Variants in AHI1 observed in about 807,000 individuals in gnomAD.
The protein encoded by AHI1 is Abelson helper integration site 1, also known as jouberin.
Under a neutral mutation model 149.3 loss-of-function variants are expected in AHI1, and 123 were observed. The observed-to-expected ratio is 0.82, with a 90% confidence interval of 0.71 to 0.96. AHI1 has a LOEUF of 0.96. AHI1 is among the 40% of genes least tolerant of loss of function. The pLI is 0.00. For synonymous variants in AHI1, 475 were observed against 459.8 expected (o/e 1.03, Z -0.42); for missense variants, 1,439 against 1,422.7 (o/e 1.01, Z -0.18).
intron 22 of AHI1, among the ~76,000 whole-genome samples, chr6:135,398,591 T>A (rs1198830919): frequency 6.6e-6 from 1 of 152,198 alleles, no homozygotes; most frequent in Non-Finnish European, 1.5e-5. Context: ...AATTTCAAAA[T>A]TAAGATCTAG....
At chr6:135,378,498 T>C (rs1456054812) in intron 23 of AHI1, among the ~76,000 whole-genome samples, 4 of 152,240 alleles carry the variant, frequency 2.6e-5, no homozygotes, top group Admixed American at 2.6e-4. Flanking sequence ...GTTTGTGACA[T>C]GCTCTATATA....
chr6:135,413,366 A>C (rs1041568462), intron 20 of AHI1, among the ~76,000 whole-genome samples: 2 of 152,136 alleles, frequency 1.3e-5, no homozygotes, highest in Non-Finnish European at 2.9e-5. Flanking sequence ...CCACAACAAA[A>C]ATTAAAAAGG....
chr6:135,331,851 T>TTA (rs1255430830), intron 24 of AHI1, among the ~76,000 whole-genome samples: 3 of 152,142 alleles, frequency 2.0e-5, no homozygotes, highest in Non-Finnish European at 4.4e-5. Context: ...TGCTTTCTCC[T>TTA]TGACTAACCT....
chr6:135,298,538 C>A (rs186294479), intron 27 of AHI1, among the ~76,000 whole-genome samples: 2 of 152,288 alleles, frequency 1.3e-5, no homozygotes, highest in East Asian at 3.9e-4. Flanking sequence ...GAAATGACTT[C>A]TTTGTACATG....
chr6:135,293,421 A>AG (rs1562444582), intron 27 of AHI1, among the ~76,000 whole-genome samples: 2 of 134,376 alleles, frequency 1.5e-5, no homozygotes, highest in African/African-American at 5.4e-5. Flanking sequence ...AAAAAAAAAA[A>AG]AAAGAAAAAA....
intron 26 of AHI1, chr6:135,304,978 T>A (rs1784373577): frequency 6.6e-6 from 1 of 152,222 alleles, no homozygotes; most frequent in Non-Finnish European, 1.5e-5. Context: ...TAGACAAATA[T>A]GGAGCCAACT....
chr6:135,479,655 T>C (rs1793285317), intron 5 of AHI1, among the ~76,000 whole-genome samples: 1 of 152,166 alleles, frequency 6.6e-6, no homozygotes. Context: ...GACTGTGGAA[T>C]TTCGGGTTCA....
chr6:135,485,755 T>C (rs77915815), intron 5 of AHI1, among the ~76,000 whole-genome samples: 1,823 of 152,320 alleles, frequency 0.012, 44 homozygotes, highest in African/African-American at 0.042. Context: ...ATAGGTTTTC[T>C]AATATTTGCA....
Position 135,487,202 on chromosome 6 carries a change from AT to A in AHI1, c.135+3420del, listed in dbSNP as rs895043742. Among the ~76,000 whole-genome samples the A allele has an allele frequency of 8.5e-5, 13 of 152,170 alleles. 1 individual carries two copies. The highest frequency in any genetic ancestry group is 1.9e-4 in the East Asian group (1 of 5,188). ...ACATTCTTTTAAAAAAACTCACTTA[AT>A]TTTTTTAACTCTGACAACTTAGAAA... On this transcript the variant is annotated intron_variant, in intron 5 of 28. Coordinates refer to ENST00000265602, the MANE Select transcript of AHI1 (RefSeq NM_001134831.2).
intron 5 of AHI1, among the ~76,000 whole-genome samples, chr6:135,475,760 T>C (rs1189215316): frequency 6.6e-6 from 1 of 152,224 alleles, no homozygotes; most frequent in Admixed American, 6.5e-5. Flanking sequence ...TCCTGGGCTG[T>C]GTCCCATGCA....
intron 24 of AHI1, among the ~76,000 whole-genome samples, chr6:135,341,380 A>G (rs116148543): frequency 0.019 from 2,960 of 152,128 alleles, 92 homozygotes; most frequent in African/African-American, 0.067. Context: ...TATAATAATA[A>G]AAGGGTCAAC....
At position 135,345,320 on chromosome 6, in the gene AHI1, T is replaced by C. The variant is rs942430278; in HGVS notation, c.3165+12812A>G. On this transcript the variant is annotated intron_variant, in intron 24 of 28. Coordinates refer to ENST00000265602, the MANE Select transcript of AHI1 (RefSeq NM_001134831.2). ...ATGATGCGGCAATTCTACTCCTAAA[T>C]ATATACACCCAAGAGAATGGAAAAC... is the stretch of plus-strand genomic sequence containing the variant. Among the ~76,000 whole-genome samples the C allele has an allele frequency of 2.6e-5, 4 of 152,120 alleles. No homozygotes were observed. In the East Asian group the frequency reaches 5.8e-4, roughly 22 times the overall value.
At chr6:135,384,334 A>G (rs1478007866) in intron 23 of AHI1, among the ~76,000 whole-genome samples, 1 of 152,232 alleles carries the variant, frequency 6.6e-6, no homozygotes, top group Non-Finnish European at 1.5e-5. Flanking sequence ...CTGTAAGACA[A>G]ACAAATTTTG....
chr6:135,371,398 A>G (rs992633730), intron 23 of AHI1, among the ~76,000 whole-genome samples: 1 of 152,218 alleles, frequency 6.6e-6, no homozygotes, highest in African/African-American at 2.4e-5. Flanking sequence ...TTCCTATGTA[A>G]AGAACCTGTT....
intron 5 of AHI1, among the ~76,000 whole-genome samples, chr6:135,484,389 A>C (rs1020679364): frequency 2.6e-5 from 4 of 152,138 alleles, no homozygotes; most frequent in Admixed American, 6.5e-5. Context: ...CTTTTTGATA[A>C]GCAAAAATAT....
intron 27 of AHI1, among the ~76,000 whole-genome samples, chr6:135,290,865 C>T (rs1307110887): frequency 1.3e-5 from 2 of 151,100 alleles, no homozygotes; most frequent in Admixed American, 6.6e-5. Flanking sequence ...ATATTAGATG[C>T]CTGGGAAAAA....
intron 23 of AHI1, among the ~76,000 whole-genome samples, chr6:135,377,273 TA>T (rs1386472763): frequency 1.3e-5 from 2 of 151,956 alleles, no homozygotes; most frequent in South Asian, 2.1e-4. Context: ...TTTTTATGGT[TA>T]AAAAAAATTT....
rs140064553 is a variant in AHI1 at position 135,387,861 on chromosome 6, T to A, written c.3109+6915A>T. 3.4e-3 allele frequency: 5,054 copies of A among 1,506,134 alleles called. 14 individuals carry two copies. The highest frequency in any genetic ancestry group is 4.2e-3 in the Non-Finnish European group (4,765 of 1,126,372). 93.3% of individuals were successfully genotyped at this position (1,506,134 alleles called of 1,614,324 possible). A position where few individuals can be genotyped will look rare whatever the true frequency, so the allele number is the denominator to read the frequency against. On this transcript the variant is annotated intron_variant, in intron 23 of 28. Transcript: ENST00000265602. ...TGTATTGTGTTGATTCTGACAATTC[T>A]ATGAAGTAGGAAATGTGGAGACATT...
intron 5 of AHI1, among the ~76,000 whole-genome samples, chr6:135,478,552 C>T (rs913383329): frequency 6.6e-6 from 1 of 152,260 alleles, no homozygotes; most frequent in African/African-American, 2.4e-5. Context: ...AAAAACTATG[C>T]TCATTTGCAT....
Sources: gnomAD v4.1 joint callset for allele counts (sites outside exome capture counted in the v4.1 genomes callset) on GRCh38, gnomAD v4.1.1 for gene constraint, MANE v1.5 for transcripts, NCBI Gene and HGNC (gene_info 2026-07-23, HGNC 2026-07-21) for gene names.